Variants in GFRA2 observed in about 807,000 individuals in gnomAD.
GFRA2 encodes the protein GDNF family receptor alpha-2.
GFRA2 carries 17 observed loss-of-function variants against 48.3 expected under a neutral mutation model. That is an observed-to-expected ratio of 0.35 (90% CI 0.24 to 0.53). The LOEUF is 0.53. Among genes scored for constraint, GFRA2 ranks in the 20% least tolerant of loss-of-function variants. GFRA2 has a pLI of 0.93. For missense variants in GFRA2, 660 were observed against 637.3 expected (o/e 1.04, Z -0.38); for synonymous variants, 305 against 257.2 (o/e 1.19, Z -1.78).
chr8:21,704,946 G>A (rs752263185), intron 6 of GFRA2, 39 bp downstream of exon 6: 1 of 1,508,560 alleles, frequency 6.6e-7, no homozygotes, highest in Non-Finnish European at 9.2e-7. Flanking sequence ...GGAGGGGTGG[G>A]AGGGGCTGCT....
At chr8:21,784,258 T>C in intron 1 of GFRA2, 1 of 455,842 alleles carries the variant, frequency 2.2e-6, no homozygotes, top group Non-Finnish European at 4.4e-6. Flanking sequence ...CCAGTCCCCC[T>C]GTCCTCTGAT....
At position 21,788,681 on chromosome 8, in the gene GFRA2, GAC is replaced by G; in HGVS notation, c.-524_-523del. The G allele has an allele frequency of 2.0e-6, 2 of 985,780 alleles. No individual in the cohort carries two copies. Among genetic ancestry groups the G allele is most frequent in the Non-Finnish European group, 2.4e-6 (2 of 830,124 alleles). 61.1% of individuals were successfully genotyped at this position (985,780 alleles called of 1,614,324 possible). A position where few individuals can be genotyped will look rare whatever the true frequency, so the allele number is the denominator to read the frequency against. On this transcript the variant is annotated 5_prime_UTR_variant, in exon 1 of 9. Transcript: ENST00000524240. ...TCCAGTCGGAGCTTCGAGGACGAGA[GAC>G]TGGAGTCGCTTCTTTCGCACCAAGA...
upstream of GFRA2, among the ~76,000 whole-genome samples, chr8:21,791,709 G>A (rs1324645210): frequency 1.3e-5 from 2 of 152,152 alleles, no homozygotes; most frequent in Admixed American, 6.5e-5. Flanking sequence ...ACACAAAGCG[G>A]CTAGTACAAT....
upstream of GFRA2, among the ~76,000 whole-genome samples, chr8:21,789,835 C>G (rs1244812606): frequency 2.6e-5 from 4 of 152,122 alleles, no homozygotes; most frequent in African/African-American, 9.6e-5. Context: ...CTGACCACCT[C>G]CTCGGAGGCC....
chr8:21,715,523 G>A (rs1352538229), intron 4 of GFRA2, among the ~76,000 whole-genome samples: 15 of 152,158 alleles, frequency 9.9e-5, no homozygotes, highest in Admixed American at 9.8e-4. Flanking sequence ...TGGCCAGGCT[G>A]GTCTCTAACT....
chr8:21,708,943 G>A (rs1802882817), intron 4 of GFRA2, among the ~76,000 whole-genome samples: 1 of 152,198 alleles, frequency 6.6e-6, no homozygotes, highest in Admixed American at 6.5e-5. Context: ...AATGAATGCA[G>A]CCCTTTCAAA....
intron 4 of GFRA2, among the ~76,000 whole-genome samples, chr8:21,739,984 A>G (rs1238341381): frequency 6.6e-6 from 1 of 152,204 alleles, no homozygotes; most frequent in Non-Finnish European, 1.5e-5. Flanking sequence ...GGTGGCAGCC[A>G]TATCGTGGCC....
chr8:21,790,402 A>C (rs1421794181), upstream of GFRA2, among the ~76,000 whole-genome samples: 1 of 152,254 alleles, frequency 6.6e-6, no homozygotes, highest in Admixed American at 6.5e-5. Flanking sequence ...GCATTCTTAA[A>C]TAACAAGACT....
chr8:21,795,910 C>G (rs953625943), intron 2 of GFRA2, among the ~76,000 whole-genome samples: 14 of 152,192 alleles, frequency 9.2e-5, no homozygotes, highest in Non-Finnish European at 1.6e-4. Flanking sequence ...AAAAAGCACT[C>G]AAGTCATCTG....
Position 21,750,577 on chromosome 8 carries a change from G to C in GFRA2, c.794+11C>G. On this transcript the variant is annotated intron_variant, in intron 4 of 8. Coordinates refer to ENST00000524240, the MANE Select transcript of GFRA2 (RefSeq NM_001495.5). This position sits in a 1 kb window ranked among gnomAD's most constrained non-coding sequence, Gnocchi z 5.7. ...TCCTGCCAGCACCACCGGGGCTGCC[G>C]CGGCACTCACCGACACAGGTGGTCA... 1.3e-6 allele frequency: 2 copies of C among 1,541,238 alleles called. No homozygotes were observed. The highest frequency in any genetic ancestry group is 1.8e-6 in the Non-Finnish European group (2 of 1,127,482).
At chr8:21,797,943 G>GGCT (rs1478597585) in intron 2 of GFRA2, among the ~76,000 whole-genome samples, 1 of 152,128 alleles carries the variant, frequency 6.6e-6, no homozygotes, top group Non-Finnish European at 1.5e-5. Context: ...AACAACAGCA[G>GGCT]GCTGCTCCTT....
chr8:21,803,787 C>A (rs1431418376), intron 2 of GFRA2, among the ~76,000 whole-genome samples: 1 of 152,152 alleles, frequency 6.6e-6, no homozygotes. Flanking sequence ...CACAAACCAC[C>A]ACACCTGCTT....
chr8:21,808,882 A>G (rs1807924587), intron 1 of GFRA2, among the ~76,000 whole-genome samples: 1 of 152,274 alleles, frequency 6.6e-6, no homozygotes, highest in African/African-American at 2.4e-5. Flanking sequence ...ACGAGTGACA[A>G]TAAGGAAAAT....
At chr8:21,782,952 A>G in intron 1 of GFRA2, 53 bp from the exon 2 acceptor site, 1 of 1,487,012 alleles carries the variant, frequency 6.7e-7, no homozygotes, top group Non-Finnish European at 9.1e-7. Context: ...ACAATCTCCC[A>G]CCCAAGATGC....
chr8:21,694,355 C>T, intron 8 of GFRA2, 109 bp downstream of exon 8: 1 of 1,085,872 alleles, frequency 9.2e-7, no homozygotes, highest in South Asian at 1.4e-5. Flanking sequence ...TCAGCTGGCC[C>T]AGCCCATGCG....
chr8:21,703,066 C>G, intron 6 of GFRA2, 89 bp from the exon 7 acceptor site: 2 of 794,290 alleles, frequency 2.5e-6, no homozygotes, highest in South Asian at 4.0e-5. Flanking sequence ...ACCCTGACCA[C>G]CCCCTTCCCT....
intron 2 of GFRA2, among the ~76,000 whole-genome samples, chr8:21,799,678 C>A (rs1807738576): frequency 6.6e-6 from 1 of 152,174 alleles, no homozygotes; most frequent in South Asian, 2.1e-4. Flanking sequence ...TGATCCCCTG[C>A]CCACCACCCT....
chr8:21,759,505 GGA>G (rs1805783996), intron 3 of GFRA2, among the ~76,000 whole-genome samples: 1 of 137,956 alleles, frequency 7.2e-6, no homozygotes, highest in Non-Finnish European at 1.6e-5. Flanking sequence ...AAGGAAGGAA[GGA>G]AGGAAGGAAG....
intron 8 of GFRA2, among the ~76,000 whole-genome samples, chr8:21,694,092 T>TATATATATATATATATA (rs1221616880): frequency 2.6e-4 from 36 of 138,496 alleles, no homozygotes; most frequent in South Asian, 4.6e-4. Flanking sequence ...TATATATATA[T>TATATATATATATATATA]TTCCTATAGT....
Sources: gnomAD v4.1 joint callset for allele counts (sites outside exome capture counted in the v4.1 genomes callset) on GRCh38, gnomAD v4.1.1 for gene constraint, Gnocchi (gnomAD v3.1) non-coding constraint, MANE v1.5 for transcripts, NCBI Gene and HGNC (gene_info 2026-07-23, HGNC 2026-07-21) for gene names.